PDCD2L: variants seen among roughly 807,000 people sequenced by gnomAD.
PDCD2L encodes uS5 assembly chaperone PDCD2L.
PDCD2L carries 44 observed loss-of-function variants against 40.4 expected under a neutral mutation model. The observed-to-expected ratio is 1.09, with a 90% CI of 0.86 to 1.40. The LOEUF (loss-of-function observed/expected upper bound fraction) is 1.40, where lower values mean the gene tolerates loss of function less well. Ranked by LOEUF, PDCD2L falls within the 40% of genes most tolerant of loss-of-function variation. The pLI, the probability that PDCD2L is intolerant of heterozygous loss-of-function variation, is 0.00. For synonymous variants in PDCD2L, 194 were observed against 174.6 expected (o/e 1.11, Z -0.88); for missense variants, 470 against 453.7 (o/e 1.04, Z -0.33).
At position 34,409,307 on chromosome 19, in the gene PDCD2L, G is replaced by T; in HGVS notation, c.483G>T (p.Arg161=). The T allele has an allele frequency of 6.2e-7, 1 of 1,614,116 alleles. No homozygotes were observed. Among genetic ancestry groups the T allele is most frequent in the Non-Finnish European group, 8.5e-7 (1 of 1,180,030 alleles). The change falls in exon 4 of 7, where the codon CGG becomes CGT. Residue 161 remains arginine, a synonymous_variant. Transcript: ENST00000246535. The part of the protein sequence containing the change: ...SSAKDVDWTA[R]LQDLRLQDAV... ...CCAAAGACGTAGACTGGACTGCTCG[G>T]CTCCAAGACCTCCGCCTGCAGGATG...
intron 4 of PDCD2L, among the ~76,000 whole-genome samples, chr19:34,410,314 C>T (rs759100741): frequency 6.6e-5 from 10 of 152,182 alleles, no homozygotes; most frequent in African/African-American, 9.7e-5. Flanking sequence ...TGCAATGGCA[C>T]GATCTCGGCT....
chr19:34,409,648 T>C (rs568611251), intron 4 of PDCD2L, 138 bp downstream of exon 4: 92 of 676,368 alleles, frequency 1.4e-4, no homozygotes, highest in East Asian at 1.0e-3. Flanking sequence ...TTCACTTCCT[T>C]ATCAGCCAAC....
chr19:34,410,702 G>A (rs1235148720), intron 4 of PDCD2L, among the ~76,000 whole-genome samples: 1 of 152,040 alleles, frequency 6.6e-6, no homozygotes, highest in African/African-American at 2.4e-5. Context: ...AATGCATGAA[G>A]ACATGTTGGT....
chr19:34,408,886 T>G (rs1052409779), intron 3 of PDCD2L, among the ~76,000 whole-genome samples: 2 of 152,204 alleles, frequency 1.3e-5, no homozygotes, highest in Admixed American at 6.5e-5. Flanking sequence ...CTGCAATACA[T>G]GAAGCACAAC....
intron 3 of PDCD2L, among the ~76,000 whole-genome samples, chr19:34,408,114 C>T (rs1266078856): frequency 6.6e-6 from 1 of 151,538 alleles, no homozygotes; most frequent in African/African-American, 2.4e-5. Context: ...TGTCATGTTG[C>T]CCAGGCTGTT....
chr19:34,407,171 T>C (rs1167797922), intron 3 of PDCD2L, among the ~76,000 whole-genome samples: 2 of 149,034 alleles, frequency 1.3e-5, no homozygotes, highest in Non-Finnish European at 3.0e-5. Flanking sequence ...GAGATGGAGT[T>C]TCGCTTTGTT....
At chr19:34,413,187 C>T (rs1293657952) in intron 4 of PDCD2L, among the ~76,000 whole-genome samples, 1 of 151,352 alleles carries the variant, frequency 6.6e-6, no homozygotes, top group Non-Finnish European at 1.5e-5. Flanking sequence ...TACAGGCGCC[C>T]GCCACCACGC....
At chr19:34,417,843 A>C (rs1392553027) in intron 5 of PDCD2L, among the ~76,000 whole-genome samples, 1 of 152,224 alleles carries the variant, frequency 6.6e-6, no homozygotes, top group Non-Finnish European at 1.5e-5. Context: ...TAAAATTGGG[A>C]ATTTTTCCTT....
chr19:34,416,151 C>T (rs1018688391), intron 5 of PDCD2L, among the ~76,000 whole-genome samples: 2 of 152,168 alleles, frequency 1.3e-5, no homozygotes, highest in African/African-American at 4.8e-5. Context: ...GAACTCCCGA[C>T]TTCTGGTGAT....
In PDCD2L at chr19:34,409,363, C is replaced by T; in HGVS notation, c.539C>T (p.Pro180Leu). The change falls in exon 4 of 7, where the codon CCT becomes CTT. Residue 180 changes from proline (P) to leucine (L), a missense_variant. Transcript: ENST00000246535. ...CTGGGTGCTGCCCATCCTGTGCCTC[C>T]TGGGCTGCCGCTCTTCCTGCCCTAC... Reference protein sequence around the residue: ...AVLGAAHPVPPGLPLFLPYYI... With the variant: ...AVLGAAHPVPLGLPLFLPYYI... 1 of 1,614,178 alleles carries T rather than the reference C, an allele frequency of 6.2e-7. No individual in the cohort carries two copies. The highest frequency in any genetic ancestry group is 8.5e-7 in the Non-Finnish European group (1 of 1,180,030).
chr19:34,413,817 G>A lies in PDCD2L; in HGVS notation c.767G>A (p.Arg256Gln), dbSNP rs147826121. 33 of 1,604,532 alleles carry A rather than the reference G, an allele frequency of 2.1e-5. No individual in the cohort carries two copies. In the African/African-American group the frequency reaches 2.8e-4, roughly 14 times the overall value. Residue 256 changes from arginine to glutamine, a missense_variant, in exon 5 of 7, where the codon CGA becomes CAA. Transcript: ENST00000246535. The stretch of plus-strand genomic sequence containing the variant: ...CAGACGTTTTACAAATTCATGAAGC[G>A]AATTGCTGCTTGTCAGGAGCAGATT... ...GDQTFYKFMKRIAACQEQILR... is the reference protein window; with the variant it reads ...GDQTFYKFMKQIAACQEQILR...
intron 4 of PDCD2L, among the ~76,000 whole-genome samples, chr19:34,410,532 G>A (rs570007009): frequency 4.6e-5 from 7 of 152,224 alleles, no homozygotes; most frequent in East Asian, 1.9e-4. Context: ...GATTACAGGC[G>A]TGAGCCATTG....
At chr19:34,409,006 C>A in intron 3 of PDCD2L, 155 bp from the exon 4 acceptor site, 1 of 649,938 alleles carries the variant, frequency 1.5e-6, no homozygotes, top group Non-Finnish European at 2.7e-6. Context: ...CTTTTGAGTA[C>A]ATAGGGTCTA....
intron 4 of PDCD2L, among the ~76,000 whole-genome samples, chr19:34,412,587 G>A (rs1046271525): frequency 6.6e-5 from 10 of 151,628 alleles, no homozygotes; most frequent in South Asian, 2.1e-4. Flanking sequence ...ACGTGTTGGC[G>A]CACACTTGCA....
chr19:34,404,539 G>A lies in PDCD2L; in HGVS notation c.108+1G>A. 6.5e-7 allele frequency: 1 copy of A among 1,547,500 alleles called. No homozygotes were observed. Among genetic ancestry groups the A allele is most frequent in the Non-Finnish European group, 8.7e-7 (1 of 1,150,912 alleles). On this transcript the variant is annotated splice_donor_variant, in intron 1 of 6. Coordinates refer to ENST00000246535, the MANE Select transcript of PDCD2L (RefSeq NM_032346.2). LOFTEE classifies it high-confidence loss of function. Reference sequence around the variant, plus strand: ...TGCTAGCAAGCTGGGCGGCATTCCGGTGAGGGCGGGTGCCGGAGCTGGGGT... The same window carrying A: ...TGCTAGCAAGCTGGGCGGCATTCCGATGAGGGCGGGTGCCGGAGCTGGGGT...
intron 6 of PDCD2L, among the ~76,000 whole-genome samples, chr19:34,423,803 T>A (rs1320185387): frequency 6.6e-6 from 1 of 152,224 alleles, no homozygotes. Flanking sequence ...ATCATAATTA[T>A]CACAGCTATT....
rs2075150949 is a variant in PDCD2L, at chr19:34,421,524, C to T, written c.803C>T (p.Ser268Phe). 4 of 1,613,896 alleles carry T rather than the reference C, an allele frequency of 2.5e-6. No individual in the cohort carries two copies. The highest frequency in any genetic ancestry group is 3.4e-6 in the Non-Finnish European group (4 of 1,179,962). ...TCTTTGTTTCCTTGTCCTAGGTATTCCTGGAGTGGAGAGCCACTCTTTTTG... is the reference window on the plus strand; with the variant it reads ...TCTTTGTTTCCTTGTCCTAGGTATTTCTGGAGTGGAGAGCCACTCTTTTTG... The part of the protein sequence containing the change: ...AACQEQILRY[S>F]WSGEPLFLTC... Residue 268 changes from serine (S) to phenylalanine (F), a missense_variant, in exon 6 of 7, where the codon TCC (serine) becomes TTC (phenylalanine). Transcript: ENST00000246535.
intron 3 of PDCD2L, chr19:34,408,959 A>C: frequency 1.7e-6 from 1 of 584,960 alleles, no homozygotes; most frequent in Non-Finnish European, 3.1e-6. Context: ...CTCACCCCAA[A>C]AAGGAAAGAC....
chr19:34,419,362 C>T (rs1423658951), intron 5 of PDCD2L, among the ~76,000 whole-genome samples: 1 of 152,060 alleles, frequency 6.6e-6, no homozygotes, highest in East Asian at 1.9e-4. Context: ...GCTATGTTGG[C>T]CAGGCTGGTA....
Sources: gnomAD v4.1 joint callset for allele counts (sites outside exome capture counted in the v4.1 genomes callset) on GRCh38, gnomAD v4.1.1 for gene constraint, MANE v1.5 for transcripts, NCBI Gene and HGNC (gene_info 2026-07-23, HGNC 2026-07-21) for gene names.